ZNF777: variants seen among roughly 807,000 people sequenced by gnomAD.
ZNF777 encodes the protein zinc finger protein 777.
A neutral mutation model predicts 72.1 loss-of-function variants in ZNF777; 7 were observed. That is an observed-to-expected ratio of 0.10 (90% CI 0.06 to 0.18). The LOEUF (loss-of-function observed/expected upper bound fraction) is 0.18, where lower values mean the gene tolerates loss of function less well. Ranked by LOEUF, ZNF777 falls within the 10% of genes least tolerant of loss-of-function variation. The pLI, the probability that ZNF777 is intolerant of heterozygous loss-of-function variation, is 1.00. For synonymous variants in ZNF777, 545 were observed against 483.5 expected, an observed-to-expected ratio of 1.13 and a Z score of -1.67; for missense variants, 828 against 1,128.6, an observed-to-expected ratio of 0.73 and a Z score of 3.82.
chr7:149,448,994 C>A (rs998981053), intron 4 of ZNF777, among the ~76,000 whole-genome samples: 12 of 152,210 alleles, frequency 7.9e-5, no homozygotes, highest in African/African-American at 2.7e-4. Context: ...ATTTTCTGGA[C>A]TTTTACCCCT....
rs745769608 is a variant in ZNF777, at chr7:149,436,599, G to A, written c.1315C>T (p.Leu439=). The change falls in exon 5 of 6, where the codon CTG becomes TTG. Residue 439 remains leucine, a synonymous_variant. Coordinates refer to ENST00000247930, the MANE Select transcript of ZNF777 (RefSeq NM_015694.3). The surrounding 1 kb of genome is among the most constrained non-coding windows in gnomAD (Gnocchi z 5.0). ...SSEFSELKQM[L]VQQRNCTEGI... ...CCCGTGCAGTTCCTCTGCTGCACCAGCATCTGCTTCAGTTCGCTGAACTCG... is the reference window on the plus strand; with the variant it reads ...CCCGTGCAGTTCCTCTGCTGCACCAACATCTGCTTCAGTTCGCTGAACTCG... The A allele has an allele frequency of 4.2e-5, 68 of 1,609,464 alleles. No homozygotes were observed. The highest frequency in any genetic ancestry group is 5.2e-5 in the Non-Finnish European group (61 of 1,178,492).
Position 149,431,728 on chromosome 7 carries a change from G to A in ZNF777, c.*48C>T. The A allele has an allele frequency of 7.8e-7, 1 of 1,282,288 alleles. No homozygotes were observed. Among genetic ancestry groups the A allele is most frequent in the Non-Finnish European group, 9.8e-7 (1 of 1,015,512 alleles). 79.4% of individuals were successfully genotyped at this position (1,282,288 alleles called of 1,614,324 possible). On this transcript the variant is annotated 3_prime_UTR_variant, in exon 6 of 6. Coordinates refer to ENST00000247930, the MANE Select transcript of ZNF777 (RefSeq NM_015694.3). ...GCTCGGGCCTGGCGGTGTCCGAGGGGGGGCACGGCCCGCGCACCTGGCCGG... is the reference window on the plus strand; with the variant it reads ...GCTCGGGCCTGGCGGTGTCCGAGGGAGGGCACGGCCCGCGCACCTGGCCGG...
rs1799313500 is a variant in ZNF777, at chr7:149,431,843, T to C, written c.2429A>G (p.His810Arg). 2 of 1,604,232 alleles carry C rather than the reference T, an allele frequency of 1.2e-6. No homozygotes were observed. Among genetic ancestry groups the C allele is most frequent in the South Asian group, 2.2e-5 (2 of 90,998 alleles). ...CTTGTAGCGGAAGCACTTGGCGCAG[T>C]GCGTGCAGGGGTAGGGCCGCTCGCC... ...HTGERPYPCT[H>R]CAKCFRYKQS... The change falls in exon 6 of 6, where the codon CAC (histidine) becomes CGC (arginine). Residue 810 changes from histidine (H) to arginine (R), a missense_variant. By Grantham distance (29) the His-to-Arg change is conservative. Coordinates refer to ENST00000247930, the MANE Select transcript of ZNF777 (RefSeq NM_015694.3).
chr7:149,451,835 A>G (rs563420698), intron 3 of ZNF777, among the ~76,000 whole-genome samples: 89 of 152,366 alleles, frequency 5.8e-4, no homozygotes, highest in South Asian at 1.7e-3. Context: ...TATTATACAT[A>G]TATATACATG....
intron 4 of ZNF777, among the ~76,000 whole-genome samples, chr7:149,446,805 C>A (rs897488718): frequency 6.6e-6 from 1 of 152,152 alleles, no homozygotes; most frequent in African/African-American, 2.4e-5. Flanking sequence ...CCCACCTGCT[C>A]CTCACCCACT....
chr7:149,446,382 A>T (rs1799602975), intron 4 of ZNF777, among the ~76,000 whole-genome samples: 2 of 152,206 alleles, frequency 1.3e-5, no homozygotes. Context: ...TCTCAAAAAA[A>T]AAAGGAAGGA....
intron 4 of ZNF777, among the ~76,000 whole-genome samples, chr7:149,449,567 A>G (rs1254570519): frequency 1.3e-5 from 2 of 152,178 alleles, no homozygotes; most frequent in African/African-American, 4.8e-5. Context: ...GATTTTAACC[A>G]CAAATCATCT....
chr7:149,459,643 G>A (rs1799905843), intron 1 of ZNF777: 2 of 985,084 alleles, frequency 2.0e-6, no homozygotes, highest in Admixed American at 6.2e-5. Context: ...GCCGCACCGT[G>A]CCACGGATGC....
chr7:149,433,953 C>T (rs891027454), intron 5 of ZNF777, among the ~76,000 whole-genome samples: 1 of 152,162 alleles, frequency 6.6e-6, no homozygotes, highest in Non-Finnish European at 1.5e-5. Context: ...CTTCTCTGGA[C>T]CCATCTGTGA....
intron 4 of ZNF777, among the ~76,000 whole-genome samples, chr7:149,443,089 C>G (rs977697490): frequency 1.3e-5 from 2 of 152,138 alleles, no homozygotes; most frequent in Middle Eastern, 3.2e-3. Context: ...GCATGAAGAT[C>G]TATTTATAAT....
rs1799413289 is a variant in ZNF777 at position 149,436,535 on chromosome 7, C to G, written c.1339+40G>C. 1 of 1,551,124 alleles carries G rather than the reference C, an allele frequency of 6.4e-7. No individual in the cohort carries two copies. Among genetic ancestry groups the G allele is most frequent in the Non-Finnish European group, 8.7e-7 (1 of 1,147,352 alleles). ...GGGGCAGGGGCCCTCTGGGAGGCCT[C>G]ATGGCAACCCTTCCCCGGCCGTCCC... On this transcript the variant is annotated intron_variant, in intron 5 of 5. Transcript: ENST00000247930. This position sits in a 1 kb window ranked among gnomAD's most constrained non-coding sequence, Gnocchi z 5.0.
chr7:149,446,083 GTTTTAGAAGGA>G (rs1799597340), intron 4 of ZNF777, among the ~76,000 whole-genome samples: 1 of 152,158 alleles, frequency 6.6e-6, no homozygotes. Context: ...CTTCACTCTT[GTTTTAGAAGGA>G]TTTGGGAGGC....
chr7:149,459,939 G>A (rs1226231337), intron 1 of ZNF777: 2 of 936,678 alleles, frequency 2.1e-6, no homozygotes, highest in Non-Finnish European at 2.5e-6. Flanking sequence ...GAGGCCCGTA[G>A]CCCTCCCCCA....
At chr7:149,459,760 C>A (rs1318679255) in intron 1 of ZNF777, 47 of 984,932 alleles carry the variant, frequency 4.8e-5, no homozygotes, top group Non-Finnish European at 5.7e-5. Flanking sequence ...CGCGCCCGGG[C>A]CGGGGAAGGC....
Position 149,460,207 on chromosome 7 carries a change from TGC to T in ZNF777, c.-16+606_-16+607del. 3.2e-6 allele frequency: 2 copies of T among 627,780 alleles called. No individual in the cohort carries two copies. The highest frequency in any genetic ancestry group is 4.0e-6 in the Non-Finnish European group (2 of 506,186). 38.9% of individuals were successfully genotyped at this position (627,780 alleles called of 1,614,324 possible). On this transcript the variant is annotated intron_variant, in intron 1 of 5. Transcript: ENST00000247930. This position sits in a 1 kb window ranked among gnomAD's most constrained non-coding sequence, Gnocchi z 6.1. ...CCGCCGCTACTGCCGCCGCCGCTAC[TGC>T]GCGCGGCCCCACGCAGGCCCGGCCG... is the stretch of plus-strand genomic sequence containing the variant.
chr7:149,431,917 C>T lies in ZNF777; in HGVS notation c.2355G>A (p.Lys785=), dbSNP rs749320629. The T allele has an allele frequency of 6.2e-7, 1 of 1,607,630 alleles. No homozygotes were observed. The highest frequency in any genetic ancestry group is 1.1e-5 in the South Asian group (1 of 90,828). ...GCAGGTGATGCTTCTGCGTGAAGCGCTTGCCGCACTCGGCGCAGTGGTAGG... is the reference window on the plus strand; with the variant it reads ...GCAGGTGATGCTTCTGCGTGAAGCGTTTGCCGCACTCGGCGCAGTGGTAGG... ...ERPYHCAECG[K]RFTQKHHLLE... Residue 785 remains lysine, a synonymous_variant, in exon 6 of 6, where the codon AAG becomes AAA. Transcript: ENST00000247930.
At chr7:149,459,710 A>G (rs1799907164) in intron 1 of ZNF777, 1 of 985,064 alleles carries the variant, frequency 1.0e-6, no homozygotes, top group African/African-American at 1.7e-5. Flanking sequence ...TCTGTGCCTC[A>G]GTGTCTCCGT....
At chr7:149,458,770 C>T (rs1311875585) in intron 1 of ZNF777, among the ~76,000 whole-genome samples, 5 of 152,368 alleles carry the variant, frequency 3.3e-5, no homozygotes. Flanking sequence ...TGCCGCTTAT[C>T]TTACCCTAAG....
intron 1 of ZNF777, chr7:149,459,832 C>A: frequency 1.0e-6 from 1 of 984,830 alleles, no homozygotes; most frequent in Non-Finnish European, 1.2e-6. Context: ...GCAGCGCGGG[C>A]CCCGCAGGGA....
Sources: allele counts gnomAD v4.1 joint callset (sites outside exome capture counted in the v4.1 genomes callset), GRCh38; gene constraint gnomAD v4.1.1; non-coding constraint Gnocchi (gnomAD v3.1); transcripts MANE v1.5; gene names NCBI Gene and HGNC (gene_info 2026-07-23, HGNC 2026-07-21).